NEURL1B: variants seen among roughly 807,000 people sequenced by gnomAD.
NEURL1B encodes neuralized E3 ubiquitin protein ligase 1B, also known as E3 ubiquitin-protein ligase NEURL1B.
NEURL1B carries 13 observed loss-of-function variants against 37.4 expected under a neutral mutation model. That is an observed-to-expected ratio of 0.35 (90% CI 0.23 to 0.55). The LOEUF (loss-of-function observed/expected upper bound fraction) is 0.55. Ranked by LOEUF, NEURL1B falls within the 20% of genes least tolerant of loss-of-function variation. The pLI is 0.89. For synonymous variants in NEURL1B, 432 were observed against 426.6 expected (o/e 1.01, Z -0.16); for missense variants, 790 against 879.2 (o/e 0.90, Z 1.28).
rs201530945 is a variant in NEURL1B at position 172,676,153 on chromosome 5, G to GAA, written c.577+5837_577+5838dup. On this transcript the variant is annotated intron_variant, in intron 2 of 4. Coordinates refer to ENST00000369800, the MANE Select transcript of NEURL1B (RefSeq NM_001142651.3). The surrounding 1 kb of genome is among the most constrained non-coding windows in gnomAD (Gnocchi z 4.5). ...GAAACTCAGTTCAGTCTCACTTAAG[G>GAA]AAAAAAAAAAAAAAAGAGGAAGCAT... Among the ~76,000 whole-genome samples the GAA allele has an allele frequency of 3.8e-5, 5 of 131,496 alleles. No homozygotes were observed. Among genetic ancestry groups the GAA allele is most frequent in the East Asian group, 2.2e-4 (1 of 4,624 alleles). The allele number at this position is 131,496 out of a possible 152,430, so 86.3% of individuals were successfully genotyped here. A position where few individuals can be genotyped will look rare whatever the true frequency, so the allele number is the denominator to read the frequency against.
At chr5:172,645,567 T>C (rs911067705) in intron 1 of NEURL1B, among the ~76,000 whole-genome samples, 1 of 152,192 alleles carries the variant, frequency 6.6e-6, no homozygotes, top group African/African-American at 2.4e-5. Flanking sequence ...CAATACTGCA[T>C]GGATGGCCCA....
chr5:172,641,500 G>T lies in NEURL1B; in HGVS notation c.31+63G>T. 8.1e-7 allele frequency: 1 copy of T among 1,231,548 alleles called. No homozygotes were observed. The highest frequency in any genetic ancestry group is 1.0e-6 in the Non-Finnish European group (1 of 979,986). The allele number at this position is 1,231,548 out of a possible 1,614,324, so 76.3% of individuals were successfully genotyped here. On this transcript the variant is annotated intron_variant, in intron 1 of 4. Transcript: ENST00000369800. This position sits in a 1 kb window ranked among gnomAD's most constrained non-coding sequence, Gnocchi z 6.4. Reference sequence around the variant, plus strand: ...GCTTCTCTCCTCCGGGGGACCCGCTGGGTGACTCTGGAGAGCTACCCCACG... The same window carrying T: ...GCTTCTCTCCTCCGGGGGACCCGCTTGGTGACTCTGGAGAGCTACCCCACG...
intron 2 of NEURL1B, among the ~76,000 whole-genome samples, chr5:172,680,891 G>A (rs1270454972): frequency 2.0e-5 from 3 of 152,154 alleles, no homozygotes; most frequent in African/African-American, 7.2e-5. Flanking sequence ...GTATTAGTCT[G>A]TTCTTGAACT....
rs139340097 is a variant in NEURL1B at position 172,644,825 on chromosome 5, A to G, written c.31+3388A>G. 8.8e-4 allele frequency among the ~76,000 whole-genome samples: 134 copies of G among 152,306 alleles called. 1 individual carries two copies. In the East Asian group the frequency reaches 0.02, roughly 23 times the overall value. ...CTTCATCTGGGTATTTGAAGGGAGAAAAAAAGTGTAAGCAGGTGGGGATAG... is the reference window on the plus strand; with the variant it reads ...CTTCATCTGGGTATTTGAAGGGAGAGAAAAAGTGTAAGCAGGTGGGGATAG... On this transcript the variant is annotated intron_variant, in intron 1 of 4. Transcript: ENST00000369800.
rs551509564 is a variant in NEURL1B at position 172,656,703 on chromosome 5, C to T, written c.32-13082C>T. ...CAGTGGCTTCTTCTTGCCACCTTCGCGGCCGGACATGGCGCCTGCCGCCGC... is the reference window on the plus strand; with the variant it reads ...CAGTGGCTTCTTCTTGCCACCTTCGTGGCCGGACATGGCGCCTGCCGCCGC... On this transcript the variant is annotated intron_variant, in intron 1 of 4. Transcript: ENST00000369800. 8.1e-5 allele frequency: 111 copies of T among 1,364,210 alleles called. No homozygotes were observed. The East Asian group carries it at 8.2e-4, about 10-fold the overall frequency. 84.5% of individuals were successfully genotyped at this position (1,364,210 alleles called of 1,614,324 possible).
intron 1 of NEURL1B, among the ~76,000 whole-genome samples, chr5:172,648,916 G>A (rs186647252): frequency 5.8e-4 from 89 of 152,334 alleles, no homozygotes; most frequent in Non-Finnish European, 9.4e-4. Context: ...GAGAGCTGAT[G>A]CCCTGAGGGC....
At chr5:172,679,665 C>T (rs921186008) in intron 2 of NEURL1B, among the ~76,000 whole-genome samples, 2 of 152,202 alleles carry the variant, frequency 1.3e-5, no homozygotes, top group East Asian at 1.9e-4. Context: ...GAGGGGCTGC[C>T]GTGTGCCAGG....
chr5:172,669,852 G>A lies in NEURL1B; in HGVS notation c.99G>A (p.Pro33=). 7.3e-7 allele frequency: 1 copy of A among 1,371,452 alleles called. No homozygotes were observed. Among genetic ancestry groups the A allele is most frequent in the Non-Finnish European group, 9.4e-7 (1 of 1,059,606 alleles). The allele number at this position is 1,371,452 out of a possible 1,614,324, so 85.0% of individuals were successfully genotyped here. The part of the protein sequence containing the change: ...PCCGPGPERR[P]VLGEAPRFHA... The stretch of plus-strand genomic sequence containing the variant: ...GCGGCCCCGGCCCCGAGCGACGCCC[G>A]GTCCTGGGCGAGGCGCCGCGCTTCC... Residue 33 remains proline, a synonymous_variant, in exon 2 of 5, where the codon CCG becomes CCA. Coordinates refer to ENST00000369800, the MANE Select transcript of NEURL1B (RefSeq NM_001142651.3).
rs1178005299 is a variant in NEURL1B, at chr5:172,669,865, G to T, written c.112G>T (p.Ala38Ser). 2 of 1,399,396 alleles carry T rather than the reference G, an allele frequency of 1.4e-6. No individual in the cohort carries two copies. Among genetic ancestry groups the T allele is most frequent in the Non-Finnish European group, 1.9e-6 (2 of 1,076,676 alleles). 86.7% of individuals were successfully genotyped at this position (1,399,396 alleles called of 1,614,324 possible). ...GPERRPVLGE[A>S]PRFHAQAKGK... ...CGAGCGACGCCCGGTCCTGGGCGAG[G>T]CGCCGCGCTTCCACGCGCAGGCCAA... Residue 38 changes from alanine to serine, a missense_variant, in exon 2 of 5, where the codon GCG (alanine) becomes TCG (serine). Physicochemically the swap from Ala to Ser is moderately conservative, Grantham distance 99. Transcript: ENST00000369800.
At chr5:172,685,107 TCA>T (rs1758466594) in intron 3 of NEURL1B, among the ~76,000 whole-genome samples, 1 of 152,212 alleles carries the variant, frequency 6.6e-6, no homozygotes, top group Non-Finnish European at 1.5e-5. Flanking sequence ...GCTGGACAAA[TCA>T]CAGATTCTCC....
At chr5:172,671,188 C>T (rs1005671301) in intron 2 of NEURL1B, among the ~76,000 whole-genome samples, 1 of 152,180 alleles carries the variant, frequency 6.6e-6, no homozygotes, top group Admixed American at 6.5e-5. Context: ...AGCAGCCACT[C>T]CCTGTTCTCC....
chr5:172,663,829 T>TTTTTTTTTATTATTATTACTATTATTA (rs138220033), intron 1 of NEURL1B, among the ~76,000 whole-genome samples: 1 of 140,826 alleles, frequency 7.1e-6, no homozygotes, highest in Non-Finnish European at 1.5e-5. Flanking sequence ...GTTTTATTTG[T>TTTTTTTTTATTATTATTACTATTATTA]TTATTATTAT....
Position 172,689,504 on chromosome 5 carries a change from G to T in NEURL1B, c.*2579G>T, listed in dbSNP as rs745744803. 6.6e-6 allele frequency: 1 copy of T among 152,156 alleles called. No homozygotes were observed. The highest frequency in any genetic ancestry group is 1.5e-5 in the Non-Finnish European group (1 of 68,032). The allele number at this position is 152,156 out of a possible 1,614,324, so 9.4% of individuals were successfully genotyped here. On this transcript the variant is annotated 3_prime_UTR_variant, in exon 5 of 5. Transcript: ENST00000369800. ...TTAACTAAGATGCTACAACTGTACA[G>T]TTCCTTCCAATCAGAGATGTTCACG... is the stretch of plus-strand genomic sequence containing the variant.
rs1757460356 is a variant in NEURL1B at position 172,641,576 on chromosome 5, G to C, written c.31+139G>C. The C allele has an allele frequency of 1.4e-6, 1 of 713,602 alleles. No homozygotes were observed. Among genetic ancestry groups the C allele is most frequent in the Admixed American group, 4.4e-5 (1 of 22,756 alleles). 44.2% of individuals were successfully genotyped at this position (713,602 alleles called of 1,614,324 possible). A position where few individuals can be genotyped will look rare whatever the true frequency, so the allele number is the denominator to read the frequency against. On this transcript the variant is annotated intron_variant, in intron 1 of 4. Coordinates refer to ENST00000369800, the MANE Select transcript of NEURL1B (RefSeq NM_001142651.3). This position sits in a 1 kb window ranked among gnomAD's most constrained non-coding sequence, Gnocchi z 6.4. ...GGGCTGGAGTCTCCGGTACCTCCCG[G>C]ACCTCAGCTCGGCGCGCGCCCCGCG...
intron 2 of NEURL1B, among the ~76,000 whole-genome samples, chr5:172,673,812 T>C (rs1454042626): frequency 7.7e-5 from 4 of 52,266 alleles, no homozygotes; most frequent in African/African-American, 1.5e-4. Context: ...GACGTACTTA[T>C]GCAAAAAAAA....
intron 1 of NEURL1B, among the ~76,000 whole-genome samples, chr5:172,650,571 G>A (rs1457418297): frequency 1.3e-5 from 2 of 152,222 alleles, no homozygotes; most frequent in Non-Finnish European, 2.9e-5. Flanking sequence ...CTGTCTCTAA[G>A]CTGTATGATC....
rs1043382435 is a variant in NEURL1B at position 172,676,952 on chromosome 5, C to T, written c.578-6467C>T. Among the ~76,000 whole-genome samples the T allele has an allele frequency of 5.9e-5, 9 of 152,110 alleles. No homozygotes were observed. The highest frequency in any genetic ancestry group is 1.4e-4 in the African/African-American group (6 of 41,412). ...AACTTATGGAGTTAAATGCAGGGTT[C>T]GGAGGTCTGAGCGCACCATTCCAGG... On this transcript the variant is annotated intron_variant, in intron 2 of 4. Transcript: ENST00000369800. The surrounding 1 kb of genome is among the most constrained non-coding windows in gnomAD (Gnocchi z 4.5).
chr5:172,681,897 T>C (rs977462515), intron 2 of NEURL1B, among the ~76,000 whole-genome samples: 1 of 152,280 alleles, frequency 6.6e-6, no homozygotes, highest in Admixed American at 6.5e-5. Flanking sequence ...TTTCCTATTA[T>C]GGTAAACAAA....
chr5:172,663,054 A>AAATAATAATAATAATAATAATAATAAT (rs141585182), intron 1 of NEURL1B, among the ~76,000 whole-genome samples: 5,160 of 147,908 alleles, frequency 0.035, 140 homozygotes, highest in African/African-American at 0.049. Context: ...CTGACTCTAC[A>AAATAATAATAATAATAATAATAATAAT]AATAATAATA....
Sources: gnomAD v4.1 joint callset for allele counts (sites outside exome capture counted in the v4.1 genomes callset) on GRCh38, gnomAD v4.1.1 for gene constraint, Gnocchi (gnomAD v3.1) non-coding constraint, MANE v1.5 for transcripts, NCBI Gene and HGNC (gene_info 2026-07-23, HGNC 2026-07-21) for gene names.